Variants in RNF157 observed in about 807,000 individuals in gnomAD.
The protein encoded by RNF157 is E3 ubiquitin ligase RNF157.
RNF157 carries 55 observed loss-of-function variants against 88.3 expected under a neutral mutation model. The observed-to-expected ratio is 0.62, with a 90% CI of 0.50 to 0.78. The LOEUF (loss-of-function observed/expected upper bound fraction) is 0.78. RNF157 is among the 30% of genes least tolerant of loss of function. The pLI, the probability that RNF157 is intolerant of heterozygous loss-of-function variation, is 0.00. For synonymous variants in RNF157, 334 were observed against 341.2 expected (o/e 0.98, Z 0.23); for missense variants, 788 against 860.8 (o/e 0.92, Z 1.06).
chr17:76,225,784 G>C, intron 1 of RNF157: 1 of 1,553,408 alleles, frequency 6.4e-7, no homozygotes, highest in East Asian at 2.2e-5. Context: ...TTGCCTTGCG[G>C]ACCTCTTCTA....
At chr17:76,210,019 G>C (rs2069755206) in intron 2 of RNF157, among the ~76,000 whole-genome samples, 1 of 151,968 alleles carries the variant, frequency 6.6e-6, no homozygotes, top group South Asian at 2.1e-4. Flanking sequence ...CGGCCTCCCA[G>C]AGTGCTGGGA....
intron 2 of RNF157, among the ~76,000 whole-genome samples, chr17:76,184,331 CTCT>C (rs777329811): frequency 2.0e-5 from 3 of 152,038 alleles, no homozygotes; most frequent in Non-Finnish European, 2.9e-5. Flanking sequence ...ACTACATAAT[CTCT>C]TTTTTTATAG....
At chr17:76,162,658 G>GT in intron 8 of RNF157, 35 bp from the exon 9 acceptor site, 1 of 1,516,858 alleles carries the variant, frequency 6.6e-7, no homozygotes, top group African/African-American at 1.4e-5. Context: ...AGGACAGGCT[G>GT]TCTCTACTGA....
At chr17:76,210,290 C>A (rs1004569946) in intron 2 of RNF157, among the ~76,000 whole-genome samples, 3 of 151,932 alleles carry the variant, frequency 2.0e-5, no homozygotes, top group Non-Finnish European at 2.9e-5. Context: ...AGGGGTCACT[C>A]CAGATAGAAA....
chr17:76,150,859 CTTGGACGGGGTGAAGCA>C (rs1026494031), intron 18 of RNF157, among the ~76,000 whole-genome samples: 2 of 152,250 alleles, frequency 1.3e-5, no homozygotes, highest in Non-Finnish European at 2.9e-5. Flanking sequence ...GCCCAGCAAG[CTTGGACGGGGTGAAGCA>C]TTGGCAGGGA....
rs549011127 is a variant in RNF157, at chr17:76,198,988, T to C, written c.207+13376A>G. ...CTCCGACGTGTTCATGTTTCCTAGCTGTACAACTCCTTCAGGCAGGGACTG... is the reference window on the plus strand; with the variant it reads ...CTCCGACGTGTTCATGTTTCCTAGCCGTACAACTCCTTCAGGCAGGGACTG... On this transcript the variant is annotated intron_variant, in intron 2 of 18. Coordinates refer to ENST00000269391, the MANE Select transcript of RNF157 (RefSeq NM_052916.3). Among the ~76,000 whole-genome samples the C allele has an allele frequency of 7.2e-5, 11 of 152,354 alleles. No homozygotes were observed. The South Asian group carries it at 2.3e-3, about 32-fold the overall frequency.
At position 76,146,603 on chromosome 17, in the gene RNF157, G is replaced by T; in HGVS notation, c.1922-1250C>A. ...TCTCCCAGTGGCCTCCCCTCACGAG[G>T]CATCTCTGGCCGGGGGAGGCCCAGT... On this transcript the variant is annotated intron_variant, in intron 18 of 18. Coordinates refer to ENST00000269391, the MANE Select transcript of RNF157 (RefSeq NM_052916.3). The surrounding 1 kb of genome is among the most constrained non-coding windows in gnomAD (Gnocchi z 4.2). 1 of 985,480 alleles carries T rather than the reference G, an allele frequency of 1.0e-6. No individual in the cohort carries two copies. Among genetic ancestry groups the T allele is most frequent in the Non-Finnish European group, 1.2e-6 (1 of 829,936 alleles). 61.0% of individuals were successfully genotyped at this position (985,480 alleles called of 1,614,324 possible).
chr17:76,206,483 C>G (rs1406672207), intron 2 of RNF157, among the ~76,000 whole-genome samples: 1 of 152,148 alleles, frequency 6.6e-6, no homozygotes, highest in East Asian at 1.9e-4. Context: ...TTCAGAAGCC[C>G]AGTTTACTAC....
chr17:76,182,589 T>C (rs1307508912), intron 2 of RNF157, among the ~76,000 whole-genome samples: 2 of 151,430 alleles, frequency 1.3e-5, no homozygotes, highest in Non-Finnish European at 2.9e-5. Flanking sequence ...TCACAGTACA[T>C]GTGAAAGGAC....
intron 2 of RNF157, among the ~76,000 whole-genome samples, chr17:76,201,646 T>C (rs896794653): frequency 9.2e-5 from 14 of 152,196 alleles, no homozygotes; most frequent in Non-Finnish European, 1.5e-4. Context: ...TATAAATATA[T>C]GTACATAATG....
rs1202646827 is a variant in RNF157, at chr17:76,164,584, C to T, written c.720+164G>A. 1.3e-5 allele frequency: 6 copies of T among 471,926 alleles called. No homozygotes were observed. In the Admixed American group the frequency reaches 2.3e-4, roughly 18 times the overall value. The allele number at this position is 471,926 out of a possible 1,614,324, so 29.2% of individuals were successfully genotyped here. The stretch of plus-strand genomic sequence containing the variant: ...TAATAGCTTGTAACATTCAAAAGCA[C>T]TCCCTTTTTTTCTTTTCTTCTTTGA... On this transcript the variant is annotated intron_variant, in intron 8 of 18. Transcript: ENST00000269391.
chr17:76,152,538 A>C (rs1023558716), intron 17 of RNF157, 73 bp from the exon 18 acceptor site: 21 of 882,564 alleles, frequency 2.4e-5, no homozygotes, highest in Middle Eastern at 2.2e-4. Context: ...TAAAATAAAA[A>C]TCTTAAGGAT....
intron 2 of RNF157, among the ~76,000 whole-genome samples, chr17:76,203,769 C>CTTTTTT (rs778913227): frequency 9.5e-6 from 1 of 104,890 alleles, no homozygotes; most frequent in Non-Finnish European, 2.0e-5. Flanking sequence ...AGTTTTGTTG[C>CTTTTTT]TTTTTTTTTT....
intron 1 of RNF157, among the ~76,000 whole-genome samples, chr17:76,217,049 T>C (rs537007344): frequency 9.2e-5 from 14 of 152,382 alleles, no homozygotes; most frequent in African/African-American, 3.4e-4. Context: ...GAACACCTGT[T>C]CAATCACTCA....
At chr17:76,236,723 G>A (rs563306592) in intron 1 of RNF157, among the ~76,000 whole-genome samples, 1 of 152,234 alleles carries the variant, frequency 6.6e-6, no homozygotes, top group African/African-American at 2.4e-5. Context: ...ACTCACAGAT[G>A]TTTATCAACA....
At chr17:76,212,151 C>A (rs2069812764) in intron 2 of RNF157, 2 of 479,974 alleles carry the variant, frequency 4.2e-6, no homozygotes, top group Admixed American at 6.6e-5. Context: ...TGAGACTCAT[C>A]CTCTCCCTCA....
At chr17:76,232,891 TC>T (rs1184519863) in intron 1 of RNF157, among the ~76,000 whole-genome samples, 1 of 152,100 alleles carries the variant, frequency 6.6e-6, no homozygotes. Context: ...CATTCCTACA[TC>T]TTTTTCAGTG....
At position 76,176,505 on chromosome 17, in the gene RNF157, G is replaced by C. The variant is rs201287104; in HGVS notation, c.208-2715C>G. ...ACTATTACTCTCGAAATTTCTTAGT[G>C]AGTTATCTTCCTTTCAAAAATTACC... On this transcript the variant is annotated intron_variant, in intron 2 of 18. Transcript: ENST00000269391. The surrounding 1 kb of genome is among the most constrained non-coding windows in gnomAD (Gnocchi z 4.2). 2.5e-4 allele frequency among the ~76,000 whole-genome samples: 38 copies of C among 152,318 alleles called. No individual in the cohort carries two copies. The highest frequency in any genetic ancestry group is 1.0e-4 in the Non-Finnish European group (7 of 68,030).
At chr17:76,220,655 A>ATT (rs557955508) in intron 1 of RNF157, among the ~76,000 whole-genome samples, 3,244 of 147,746 alleles carry the variant, frequency 0.022, 131 homozygotes, top group African/African-American at 0.076. Flanking sequence ...CAAATTTATT[A>ATT]TTTTTTTTTT....
Sources: gnomAD v4.1 joint callset for allele counts (sites outside exome capture counted in the v4.1 genomes callset) on GRCh38, gnomAD v4.1.1 for gene constraint, Gnocchi (gnomAD v3.1) non-coding constraint, MANE v1.5 for transcripts, NCBI Gene and HGNC (gene_info 2026-07-23, HGNC 2026-07-21) for gene names.